FN1: variants seen among roughly 807,000 people sequenced by gnomAD.
The protein encoded by FN1 is fibronectin.
In FN1, 106 loss-of-function variants were observed where a neutral mutation model predicts 297.3. That is an observed-to-expected ratio of 0.36 (90% CI 0.30 to 0.42). The LOEUF is 0.42. Ranked by LOEUF, FN1 falls within the 10% of genes least tolerant of loss-of-function variation. The probability of loss-of-function intolerance (pLI) is 1.00; values close to 1 mark genes in which losing one functional copy is unlikely to be tolerated. For missense variants in FN1, 2,690 were observed against 3,124.9 expected (o/e 0.86, Z 3.32); for synonymous variants, 1,149 against 1,152.6 (o/e 1.00, Z 0.06).
chr2:215,372,608 A>G (rs1316876590), intron 39 of FN1: 2 of 568,402 alleles, frequency 3.5e-6, no homozygotes, highest in African/African-American at 1.9e-5. Context: ...TGAATTTATC[A>G]TACACACAGC....
At chr2:215,399,050 T>A (rs2060655104) in intron 21 of FN1, among the ~76,000 whole-genome samples, 1 of 152,220 alleles carries the variant, frequency 6.6e-6, no homozygotes, top group Non-Finnish European at 1.5e-5. Context: ...CAAAACACTT[T>A]CGCAGCCTCC....
intron 12 of FN1, 53 bp from the exon 13 acceptor site, chr2:215,415,011 T>G (rs1365226658): frequency 2.1e-6 from 3 of 1,424,950 alleles, no homozygotes; most frequent in Admixed American, 3.4e-5. Flanking sequence ...TCACTTCAAC[T>G]TAAAACTGTG....
At position 215,397,243 on chromosome 2, in the gene FN1, T is replaced by G; in HGVS notation, c.3518-20A>C. 6.3e-7 allele frequency: 1 copy of G among 1,578,580 alleles called. No individual in the cohort carries two copies. The highest frequency in any genetic ancestry group is 1.1e-5 in the South Asian group (1 of 90,366). Reference sequence around the variant, plus strand: ...ACAATGCTATGCAGAAAGAACATTTTAAAAGTCAAAGCTGACACAAAGCTC... The same window carrying G: ...ACAATGCTATGCAGAAAGAACATTTGAAAAGTCAAAGCTGACACAAAGCTC... On this transcript the variant is annotated intron_variant, in intron 22 of 45. Coordinates refer to ENST00000354785, the MANE Select transcript of FN1 (RefSeq NM_212482.4).
At chr2:215,381,835 G>A in intron 32 of FN1, 1 of 346,798 alleles carries the variant, frequency 2.9e-6, no homozygotes, top group Non-Finnish European at 5.6e-6. Flanking sequence ...TCCAGCCATA[G>A]CCCTTCAAAT....
At chr2:215,416,537 T>C (rs996501557) in intron 12 of FN1, among the ~76,000 whole-genome samples, 18 of 152,220 alleles carry the variant, frequency 1.2e-4, no homozygotes, top group African/African-American at 4.3e-4. Context: ...AGGAATATCA[T>C]GTCCTTAATT....
In FN1 at chr2:215,386,814, C is replaced by G; in HGVS notation, c.4487G>C (p.Arg1496Pro). The change falls in exon 28 of 46, where the codon CGG becomes CCG. Residue 1496 changes from arginine to proline, a missense_variant. Around this residue, in one of 3 missense-constraint regions of FN1, gnomAD observed 1,743 missense variants for 1,945.2 expected, o/e 0.90. Coordinates refer to ENST00000354785, the MANE Select transcript of FN1 (RefSeq NM_212482.4). Reference sequence around the variant, plus strand: ...GATGGAATTCCGAGAGTGGGGCACCCGATCTTCTCGAGGTCTCCCACTGAA... The same window carrying G: ...GATGGAATTCCGAGAGTGGGGCACCGGATCTTCTCGAGGTCTCCCACTGAA... ...EHFSGRPRED[R>P]VPHSRNSITL... 6.2e-7 allele frequency: 1 copy of G among 1,613,884 alleles called. No homozygotes were observed. Among genetic ancestry groups the G allele is most frequent in the South Asian group, 1.1e-5 (1 of 91,062 alleles).
intron 42 of FN1, chr2:215,365,897 C>T (rs546859602): frequency 5.3e-6 from 1 of 187,000 alleles, no homozygotes; most frequent in East Asian, 1.4e-4. Context: ...CCTCCATCTC[C>T]TGGGTTCATG....
At chr2:215,430,234 C>G (rs1250239) in intron 5 of FN1, among the ~76,000 whole-genome samples, 120,350 of 152,182 alleles carry the variant, frequency 0.79, 48,074 homozygotes, top group East Asian at 0.93. Flanking sequence ...AAGGAGCCTT[C>G]AAACCCAAAG....
intron 17 of FN1, 136 bp downstream of exon 17, chr2:215,407,969 CACA>C: frequency 1.4e-6 from 1 of 693,974 alleles, no homozygotes; most frequent in Non-Finnish European, 2.6e-6. Context: ...CACACACACA[CACA>C]CACACACAAA....
intron 20 of FN1, among the ~76,000 whole-genome samples, chr2:215,401,575 T>G (rs1022256035): frequency 2.0e-5 from 3 of 152,110 alleles, no homozygotes; most frequent in African/African-American, 7.2e-5. Flanking sequence ...TTTGTTCCCA[T>G]TGGGAAAAAA....
chr2:215,419,845 A>G (rs889540610), intron 11 of FN1, among the ~76,000 whole-genome samples: 19 of 152,246 alleles, frequency 1.2e-4, no homozygotes, highest in African/African-American at 4.6e-4. Context: ...CCTGCTGAGC[A>G]GCTTCTAAGA....
At chr2:215,417,424 G>T (rs1250656751) in intron 12 of FN1, among the ~76,000 whole-genome samples, 1 of 152,120 alleles carries the variant, frequency 6.6e-6, no homozygotes, top group East Asian at 1.9e-4. Context: ...TTTTGACTCA[G>T]TCCTTTTTTT....
At chr2:215,413,538 C>T (rs2062991966) in intron 13 of FN1, among the ~76,000 whole-genome samples, 2 of 152,190 alleles carry the variant, frequency 1.3e-5, no homozygotes, top group African/African-American at 2.4e-5. Flanking sequence ...CCTTTTTATT[C>T]TTGGAGACCT....
At chr2:215,408,544 G>A in intron 15 of FN1, 118 bp from the exon 16 acceptor site, 1 of 962,616 alleles carries the variant, frequency 1.0e-6, no homozygotes, top group Non-Finnish European at 1.7e-6. Context: ...CGACTAGAAG[G>A]TAATGTGCTA....
At chr2:215,377,235 T>A (rs769393397) in intron 35 of FN1, among the ~76,000 whole-genome samples, 1 of 152,198 alleles carries the variant, frequency 6.6e-6, no homozygotes, top group Non-Finnish European at 1.5e-5. Flanking sequence ...GGTATTGATA[T>A]AACAGAAGAC....
intron 15 of FN1, among the ~76,000 whole-genome samples, chr2:215,408,940 CTTCCT>C (rs1199134879): frequency 2.0e-5 from 3 of 152,136 alleles, no homozygotes; most frequent in Non-Finnish European, 2.9e-5. Context: ...CCTCCTCCTT[CTTCCT>C]TTCATTTTTC....
chr2:215,409,063 G>A (rs371342950), intron 15 of FN1, among the ~76,000 whole-genome samples: 44 of 152,268 alleles, frequency 2.9e-4, no homozygotes, highest in African/African-American at 9.9e-4. Flanking sequence ...AAGATGATGG[G>A]GTGAGGGTAG....
intron 6 of FN1, among the ~76,000 whole-genome samples, chr2:215,427,431 G>T (rs918662884): frequency 6.6e-6 from 1 of 152,152 alleles, no homozygotes; most frequent in Admixed American, 6.5e-5. Flanking sequence ...GCACGTCCTT[G>T]TTGGCCATAT....
chr2:215,390,580 T>C (rs900038638), intron 26 of FN1, among the ~76,000 whole-genome samples: 1 of 152,148 alleles, frequency 6.6e-6, no homozygotes, highest in African/African-American at 2.4e-5. Context: ...AATAAGGTCT[T>C]AGAACACATG....
Sources: allele counts gnomAD v4.1 joint callset (sites outside exome capture counted in the v4.1 genomes callset), GRCh38; gene constraint gnomAD v4.1.1; regional missense constraint gnomAD v4.1.1; transcripts MANE v1.5; gene names NCBI Gene and HGNC (gene_info 2026-07-23, HGNC 2026-07-21).